The following METTL25 variants were observed in gnomAD, a reference collection of about 807,000 sequenced individuals.
METTL25 encodes methyltransferase like 25.
METTL25 carries 64 observed loss-of-function variants against 71.6 expected under a neutral mutation model. The ratio of observed to expected loss-of-function variants is 0.89; its 90% CI spans 0.73 to 1.10. METTL25 has a LOEUF of 1.10. Among genes scored for constraint, METTL25 ranks in the 50% least tolerant of loss-of-function variants. The pLI, the probability that METTL25 is intolerant of heterozygous loss-of-function variation, is 0.00. For synonymous variants in METTL25, 287 were observed against 250.3 expected (o/e 1.15, Z -1.38); for missense variants, 807 against 707.0 (o/e 1.14, Z -1.60).
intron 1 of METTL25, among the ~76,000 whole-genome samples, chr12:82,365,985 G>A (rs533068646): frequency 2.0e-5 from 3 of 152,228 alleles, no homozygotes; most frequent in South Asian, 4.1e-4. Flanking sequence ...GGGAGGTTGA[G>A]GCAGGAGAAT....
chr12:82,472,547 G>A (rs1374986512), intron 9 of METTL25, among the ~76,000 whole-genome samples: 2 of 152,106 alleles, frequency 1.3e-5, no homozygotes, highest in African/African-American at 4.8e-5. Context: ...GCAGTGAGCC[G>A]AGGTCCTGCC....
At chr12:82,412,767 A>T (rs1320702360) in intron 5 of METTL25, among the ~76,000 whole-genome samples, 1 of 152,010 alleles carries the variant, frequency 6.6e-6, no homozygotes, top group Non-Finnish European at 1.5e-5. Flanking sequence ...TGTCCTTTTA[A>T]GTTTGTTCCT....
intron 1 of METTL25, among the ~76,000 whole-genome samples, chr12:82,366,558 T>C (rs148907599): frequency 6.6e-6 from 1 of 152,282 alleles, no homozygotes; most frequent in African/African-American, 2.4e-5. Context: ...GATTATTCTT[T>C]TATCAAGCTT....
intron 5 of METTL25, among the ~76,000 whole-genome samples, chr12:82,430,024 A>G (rs896856190): frequency 6.6e-6 from 1 of 151,276 alleles, no homozygotes; most frequent in African/African-American, 2.4e-5. Flanking sequence ...AAGCTATCCC[A>G]ATTGCATTTT....
At chr12:82,371,494 C>T (rs959286356) in intron 1 of METTL25, among the ~76,000 whole-genome samples, 1 of 152,202 alleles carries the variant, frequency 6.6e-6, no homozygotes, top group African/African-American at 2.4e-5. Flanking sequence ...TGGCCTGCTC[C>T]ATTTTCTGTC....
In METTL25 at chr12:82,399,295, A is replaced by C; in HGVS notation, c.1032A>C (p.Arg344Ser). ...RETSEANKER[R>S]KMTSKSSESN... Reference sequence around the variant, plus strand: ...CATCTGAAGCCAATAAAGAGAGAAGAAAAATGACATCAAAGTCAAGTGAAT... The same window carrying C: ...CATCTGAAGCCAATAAAGAGAGAAGCAAAATGACATCAAAGTCAAGTGAAT... Residue 344 changes from arginine to serine, a missense_variant, in exon 4 of 12, where the codon AGA becomes AGC. Transcript: ENST00000248306. 1 of 1,613,492 alleles carries C rather than the reference A, an allele frequency of 6.2e-7. No homozygotes were observed. Among genetic ancestry groups the C allele is most frequent in the Non-Finnish European group, 8.5e-7 (1 of 1,179,644 alleles).
rs1889434215 is a variant in METTL25, at chr12:82,430,923, T to C, written c.1310T>C (p.Met437Thr). The C allele has an allele frequency of 6.9e-6, 11 of 1,601,266 alleles. No individual in the cohort carries two copies. The highest frequency in any genetic ancestry group is 2.2e-5 in the East Asian group (1 of 44,450). ...ACTCAGGAAAAGTGGGGATTTCCAATGTGCCACTATTTAAAGGAAGAGAGA... is the reference window on the plus strand; with the variant it reads ...ACTCAGGAAAAGTGGGGATTTCCAACGTGCCACTATTTAAAGGAAGAGAGA... ...ERTQEKWGFPMCHYLKEERWC... is the reference protein window; with the variant it reads ...ERTQEKWGFPTCHYLKEERWC... Residue 437 changes from methionine to threonine, a missense_variant, in exon 6 of 12, where the codon ATG becomes ACG. Coordinates refer to ENST00000248306, the MANE Select transcript of METTL25 (RefSeq NM_032230.3).
At chr12:82,431,050 T>C in intron 6 of METTL25, 63 bp downstream of exon 6, 1 of 1,197,794 alleles carries the variant, frequency 8.3e-7, no homozygotes, top group African/African-American at 1.5e-5. Context: ...TTATTATTTT[T>C]GGCTAGTATC....
intron 5 of METTL25, among the ~76,000 whole-genome samples, chr12:82,428,218 C>T (rs1889196956): frequency 6.6e-6 from 1 of 151,852 alleles, no homozygotes; most frequent in Admixed American, 6.6e-5. Context: ...ACAACCTACT[C>T]ATGTAGCTAT....
intron 3 of METTL25, among the ~76,000 whole-genome samples, chr12:82,392,357 T>G (rs1885675037): frequency 6.6e-6 from 1 of 151,298 alleles, no homozygotes; most frequent in East Asian, 2.0e-4. Context: ...TATGTGGTGT[T>G]TGGTTTTTTG....
intron 5 of METTL25, among the ~76,000 whole-genome samples, chr12:82,410,834 G>A (rs964044622): frequency 6.6e-6 from 1 of 152,014 alleles, no homozygotes; most frequent in African/African-American, 2.4e-5. Flanking sequence ...ATCCTGAAAT[G>A]TCCATACTAA....
Position 82,402,208 on chromosome 12 carries a change from A to G in METTL25, c.1132-775A>G, listed in dbSNP as rs1221832804. ...GGAAAAAATTTTTTAATTAAATTTTATATTGTCATAGTTGATGCGGTGTAT... is the reference window on the plus strand; with the variant it reads ...GGAAAAAATTTTTTAATTAAATTTTGTATTGTCATAGTTGATGCGGTGTAT... On this transcript the variant is annotated intron_variant, in intron 4 of 11. Coordinates refer to ENST00000248306, the MANE Select transcript of METTL25 (RefSeq NM_032230.3). Among the ~76,000 whole-genome samples, 4 of 152,066 alleles carry G rather than the reference A, an allele frequency of 2.6e-5. No homozygotes were observed. In the East Asian group the frequency reaches 5.8e-4, roughly 22 times the overall value.
chr12:82,467,735 C>G (rs1317394354), intron 9 of METTL25, among the ~76,000 whole-genome samples: 1 of 152,048 alleles, frequency 6.6e-6, no homozygotes, highest in Non-Finnish European at 1.5e-5. Flanking sequence ...TCTTGACTTA[C>G]AGTAGTTTGA....
At chr12:82,427,100 A>G (rs537750666) in intron 5 of METTL25, among the ~76,000 whole-genome samples, 1 of 152,032 alleles carries the variant, frequency 6.6e-6, no homozygotes, top group East Asian at 1.9e-4. Flanking sequence ...TCATTATCAA[A>G]ATTGCCTATA....
chr12:82,424,342 C>T (rs1473006859), intron 5 of METTL25, among the ~76,000 whole-genome samples: 2 of 151,418 alleles, frequency 1.3e-5, no homozygotes, highest in African/African-American at 2.4e-5. Context: ...ACATTGAGAA[C>T]ACTTGGACAC....
In METTL25 at chr12:82,389,909, A is replaced by G. The variant is rs777951656; in HGVS notation, c.518A>G (p.Tyr173Cys). 1.5e-5 allele frequency: 24 copies of G among 1,553,996 alleles called. No homozygotes were observed. Among genetic ancestry groups the G allele is most frequent in the East Asian group, 2.3e-5 (1 of 44,094 alleles). Residue 173 changes from tyrosine to cysteine, a missense_variant, in exon 3 of 12, where the codon TAT (tyrosine) becomes TGT (cysteine). By Grantham distance (194) the Tyr-to-Cys change is radical (BLOSUM62 -2). Transcript: ENST00000248306. ...CTGATCAGCAGTATTGCTGACTACT[A>G]TGGAATAAAGCAGGTAAGAGTATTT... ...SELISSIADY[Y>C]GIKQVIDLGS... is the part of the protein sequence containing the mutation.
chr12:82,475,403 G>A (rs1725119748), intron 9 of METTL25, among the ~76,000 whole-genome samples: 4 of 152,052 alleles, frequency 2.6e-5, no homozygotes. Context: ...TACAAAGTGG[G>A]AGAGTTTTTC....
At chr12:82,384,972 C>T (rs1565815197) in intron 1 of METTL25, among the ~76,000 whole-genome samples, 1 of 152,042 alleles carries the variant, frequency 6.6e-6, no homozygotes, top group Non-Finnish European at 1.5e-5. Context: ...ACTGAGTTTT[C>T]CAGTTTGTAT....
At chr12:82,449,492 C>G (rs932305074) in intron 8 of METTL25, among the ~76,000 whole-genome samples, 2 of 152,162 alleles carry the variant, frequency 1.3e-5, no homozygotes, top group African/African-American at 2.4e-5. Context: ...GAGTTGTTCT[C>G]TCTACCTGGA....
Sources: allele counts gnomAD v4.1 joint callset (sites outside exome capture counted in the v4.1 genomes callset), GRCh38; gene constraint gnomAD v4.1.1; transcripts MANE v1.5; gene names NCBI Gene and HGNC (gene_info 2026-07-23, HGNC 2026-07-21).